Variants in RIPOR2 observed in about 807,000 individuals in gnomAD.
RIPOR2 encodes RHO family interacting cell polarization regulator 2, also known as rho family-interacting cell polarization regulator 2.
Under a neutral mutation model 114.5 loss-of-function variants are expected in RIPOR2, and 39 were observed. That is an observed-to-expected ratio of 0.34 (90% confidence interval 0.26 to 0.44). RIPOR2 has a LOEUF of 0.44. Ranked by LOEUF, RIPOR2 falls within the 20% of genes least tolerant of loss-of-function variation. The pLI is 1.00. For synonymous variants in RIPOR2, 445 were observed against 484.4 expected (o/e 0.92, Z 1.07); for missense variants, 1,007 against 1,255.1 (o/e 0.80, Z 2.99).
At position 24,843,419 on chromosome 6, in the gene RIPOR2, T is replaced by A; in HGVS notation, c.1300A>T (p.Thr434Ser). ...SHSTGSPSNS[T>S]NPEITITPAE... ...GGGGTGATGGTAATTTCTGGATTTG[T>A]TGAGTTGGAAGGGGAGCCTGTTGAG... The change falls in exon 13 of 22, where the codon ACA (threonine) becomes TCA (serine). Residue 434 changes from threonine (T) to serine (S), a missense_variant. Coordinates refer to ENST00000643898, the MANE Select transcript of RIPOR2 (RefSeq NM_001286445.3). The A allele has an allele frequency of 6.2e-7, 1 of 1,613,720 alleles. No homozygotes were observed. Among genetic ancestry groups the A allele is most frequent in the Non-Finnish European group, 8.5e-7 (1 of 1,179,692 alleles).
At chr6:24,887,791 G>A (rs1766970450) in intron 1 of RIPOR2, among the ~76,000 whole-genome samples, 1 of 152,130 alleles carries the variant, frequency 6.6e-6, no homozygotes, top group African/African-American at 2.4e-5. Context: ...TTTTAGCCCT[G>A]GGGAAAAATG....
At chr6:24,932,603 T>C (rs1771490261) in intron 1 of RIPOR2, among the ~76,000 whole-genome samples, 4 of 152,192 alleles carry the variant, frequency 2.6e-5, no homozygotes, top group Non-Finnish European at 5.9e-5. Flanking sequence ...AAAAATACAT[T>C]GTGAGGATGA....
In RIPOR2 at chr6:24,830,515, C is replaced by T; in HGVS notation, c.2500G>A (p.Asp834Asn). 1.3e-6 allele frequency: 2 copies of T among 1,549,764 alleles called. No homozygotes were observed. The highest frequency in any genetic ancestry group is 2.4e-5 in the East Asian group (1 of 40,848). ...CTCTACTGCTGCCTCATACCTGGGT[C>T]TGCAAGTCCTGGATATTCTTTGTTG... Reference protein sequence around the residue: ...TVNKEYPGLADPVFRTLVSQI... With the variant: ...TVNKEYPGLANPVFRTLVSQI... The change falls in exon 17 of 22, where the codon GAC (aspartate) becomes AAC (asparagine). Residue 834 changes from aspartate (D) to asparagine (N), a missense_variant. Coordinates refer to ENST00000643898, the MANE Select transcript of RIPOR2 (RefSeq NM_001286445.3).
At chr6:24,976,606 A>G in intron 1 of RIPOR2, 1 of 1,608,540 alleles carries the variant, frequency 6.2e-7, no homozygotes, top group Non-Finnish European at 8.5e-7. Flanking sequence ...TGCTCTGAGC[A>G]CTGGAGAGAA....
At chr6:24,871,551 C>T (rs1765176104) in intron 4 of RIPOR2, among the ~76,000 whole-genome samples, 2 of 152,184 alleles carry the variant, frequency 1.3e-5, no homozygotes, top group African/African-American at 4.8e-5. Context: ...AGGGTCTCGC[C>T]ACGTTGGCCA....
At chr6:24,911,713 G>C (rs922290291) in intron 1 of RIPOR2, among the ~76,000 whole-genome samples, 6 of 152,158 alleles carry the variant, frequency 3.9e-5, no homozygotes, top group African/African-American at 1.4e-4. Flanking sequence ...TCCCAAAAAA[G>C]GGCCTTTTGG....
intron 6 of RIPOR2, among the ~76,000 whole-genome samples, chr6:24,866,341 T>A (rs1297364695): frequency 6.6e-6 from 1 of 152,164 alleles, no homozygotes; most frequent in East Asian, 1.9e-4. Context: ...AGCCTGATAA[T>A]CAGCTAATTC....
chr6:25,033,350 C>T (rs1466525165), intron 1 of RIPOR2, among the ~76,000 whole-genome samples: 2 of 152,324 alleles, frequency 1.3e-5, no homozygotes, highest in African/African-American at 2.4e-5. Flanking sequence ...GAAGCCCCTC[C>T]AAGGCAGCTC....
chr6:24,838,086 C>G (rs1248481652), intron 14 of RIPOR2, among the ~76,000 whole-genome samples: 1 of 152,162 alleles, frequency 6.6e-6, no homozygotes, highest in Non-Finnish European at 1.5e-5. Context: ...CTCTAGTTCT[C>G]AAAACATGAT....
Position 24,848,124 on chromosome 6 carries a change from G to A in RIPOR2, c.1065C>T (p.Ser355=). The part of the protein sequence containing the change: ...YPFDVEDMTA[S]SGAGNKAAAL... Reference sequence around the variant, plus strand: ...CTGCTGCCTTGTTCCCAGCGCCTGAGGATGCGGTCATGTCCTCCACGTCAA... The same window carrying A: ...CTGCTGCCTTGTTCCCAGCGCCTGAAGATGCGGTCATGTCCTCCACGTCAA... Residue 355 remains serine, a synonymous_variant, in exon 12 of 22, where the codon TCC becomes TCT. Transcript: ENST00000643898. 1.2e-6 allele frequency: 2 copies of A among 1,613,734 alleles called. No individual in the cohort carries two copies. Among genetic ancestry groups the A allele is most frequent in the African/African-American group, 2.7e-5 (2 of 75,036 alleles).
chr6:24,869,600 G>A lies in RIPOR2; in HGVS notation c.448-453C>T, dbSNP rs145624788. On this transcript the variant is annotated intron_variant, in intron 5 of 21. Coordinates refer to ENST00000643898, the MANE Select transcript of RIPOR2 (RefSeq NM_001286445.3). ...CCCAAAGTGCTGGGATTACAGATAT[G>A]AGCCACCATGCCCGGCCCTGGAAAT... 7.7e-3 allele frequency among the ~76,000 whole-genome samples: 1,173 copies of A among 152,122 alleles called. 9 individuals are homozygous for A. Among genetic ancestry groups the A allele is most frequent in the African/African-American group, 0.025 (1,036 of 41,504 alleles).
At chr6:24,844,761 G>T (rs532752885) in intron 12 of RIPOR2, among the ~76,000 whole-genome samples, 1 of 152,272 alleles carries the variant, frequency 6.6e-6, no homozygotes, top group South Asian at 2.1e-4. Context: ...ACAGGCGTGA[G>T]CCACCGCGCC....
chr6:24,839,569 A>G (rs1761434961), intron 13 of RIPOR2: 1 of 1,486,454 alleles, frequency 6.7e-7, no homozygotes, highest in Non-Finnish European at 9.2e-7. Flanking sequence ...GGATGGGCAC[A>G]CTGGGATCCA....
At chr6:24,840,395 T>C in intron 13 of RIPOR2, 1 of 1,174,860 alleles carries the variant, frequency 8.5e-7, no homozygotes, top group Non-Finnish European at 1.1e-6. Context: ...AGCAATCCCA[T>C]TCTCTGGCCT....
chr6:24,876,338 A>G (rs1765756084), intron 1 of RIPOR2, among the ~76,000 whole-genome samples: 1 of 152,092 alleles, frequency 6.6e-6, no homozygotes, highest in South Asian at 2.1e-4. Flanking sequence ...AAATTACACA[A>G]AATTGTCCAT....
intron 20 of RIPOR2, among the ~76,000 whole-genome samples, chr6:24,818,333 C>T (rs537607235): frequency 1.3e-5 from 2 of 152,292 alleles, no homozygotes; most frequent in Admixed American, 6.5e-5. Flanking sequence ...AACATGATTG[C>T]TTTCTGCCAC....
chr6:24,848,862 G>A (rs534101832), intron 11 of RIPOR2, among the ~76,000 whole-genome samples: 67 of 152,272 alleles, frequency 4.4e-4, no homozygotes, highest in Admixed American at 7.8e-4. Flanking sequence ...TATTTACTTG[G>A]CAATATACCG....
intron 1 of RIPOR2, among the ~76,000 whole-genome samples, chr6:24,893,885 G>C (rs866822096): frequency 3.9e-5 from 6 of 152,290 alleles, no homozygotes; most frequent in Middle Eastern, 6.8e-3. Flanking sequence ...AGGCTGTCAG[G>C]ATCCAAAGAA....
chr6:25,016,874 T>G lies in RIPOR2; in HGVS notation c.76+24977A>C, dbSNP rs577233150. ...AACCTAGGGAGAAAGATCCTCTCAT[T>G]GTATATATCTTCTAGGGGATTCACA... On this transcript the variant is annotated intron_variant, in intron 1 of 13. Coordinates refer to the RIPOR2 transcript ENST00000510784. Among the ~76,000 whole-genome samples the G allele has an allele frequency of 2.4e-3, 367 of 152,340 alleles. 1 individual carries two copies. Among genetic ancestry groups the G allele is most frequent in the Non-Finnish European group, 4.5e-3 (304 of 68,028 alleles).
Sources: allele counts gnomAD v4.1 joint callset (sites outside exome capture counted in the v4.1 genomes callset), GRCh38; gene constraint gnomAD v4.1.1; transcripts MANE v1.5; gene names NCBI Gene and HGNC (gene_info 2026-07-23, HGNC 2026-07-21).